CERS6: variants seen among roughly 807,000 people sequenced by gnomAD.
The protein encoded by CERS6 is LAG1 homolog, ceramide synthase 6.
In CERS6, 26 loss-of-function variants were observed where a neutral mutation model predicts 56.8. That is an observed-to-expected ratio of 0.46 (90% CI 0.34 to 0.63). The LOEUF (loss-of-function observed/expected upper bound fraction) is 0.63, where lower values mean the gene tolerates loss of function less well. Ranked by LOEUF, CERS6 falls within the 30% of genes least tolerant of loss-of-function variation. The probability of loss-of-function intolerance (pLI) is 0.01; values close to 1 mark genes in which losing one functional copy is unlikely to be tolerated. For synonymous variants in CERS6, 164 were observed against 173.3 expected, an observed-to-expected ratio of 0.95 and a Z score of 0.42; for missense variants, 415 against 467.5, an observed-to-expected ratio of 0.89 and a Z score of 1.04.
chr2:168,542,806 C>G (rs543863638), intron 1 of CERS6, among the ~76,000 whole-genome samples: 13 of 152,236 alleles, frequency 8.5e-5, no homozygotes, highest in African/African-American at 2.9e-4. Context: ...AAGCGATTCT[C>G]CTGCCTCAGC....
chr2:168,535,887 T>A (rs537697790), intron 1 of CERS6, among the ~76,000 whole-genome samples: 1 of 152,036 alleles, frequency 6.6e-6, no homozygotes, highest in East Asian at 1.9e-4. Flanking sequence ...CTTGGTACAT[T>A]TTCCTGATGT....
intron 4 of CERS6, among the ~76,000 whole-genome samples, chr2:168,659,828 A>G (rs113432860): frequency 0.017 from 2,633 of 152,276 alleles, 60 homozygotes; most frequent in African/African-American, 0.049. Flanking sequence ...AAATTAAGGC[A>G]ATCACCCAGA....
At chr2:168,536,060 A>C (rs1019838414) in intron 1 of CERS6, among the ~76,000 whole-genome samples, 1 of 152,176 alleles carries the variant, frequency 6.6e-6, no homozygotes, top group Admixed American at 6.5e-5. Flanking sequence ...TCAAAACTTT[A>C]TGGTTAATTT....
At chr2:168,671,677 G>A (rs1229478958) in intron 4 of CERS6, among the ~76,000 whole-genome samples, 3 of 152,098 alleles carry the variant, frequency 2.0e-5, no homozygotes, top group Non-Finnish European at 2.9e-5. Context: ...TATACTGTTA[G>A]GTAAAAGATA....
At chr2:168,463,858 G>C (rs1693820571) in intron 1 of CERS6, among the ~76,000 whole-genome samples, 1 of 152,156 alleles carries the variant, frequency 6.6e-6, no homozygotes, top group African/African-American at 2.4e-5. Flanking sequence ...GTAGTGAGCT[G>C]AGATCACGCC....
In CERS6 at chr2:168,748,831, T is replaced by TGG. The variant is rs72341847; in HGVS notation, c.846-16752_846-16751dup. On this transcript the variant is annotated intron_variant, in intron 8 of 9. Transcript: ENST00000305747. ...ATCCCAGAAATGGCGTGGTTGGGGG[T>TGG]GGGGGGGGGGCAGGTATTAAATGCC... Among the ~76,000 whole-genome samples, 279 of 89,538 alleles carry TGG rather than the reference T, an allele frequency of 3.1e-3. 3 individuals carry two copies. Among genetic ancestry groups the TGG allele is most frequent in the East Asian group, 0.01 (34 of 3,370 alleles). The allele number at this position is 89,538 out of a possible 152,430, so 58.7% of individuals were successfully genotyped here. A position where few individuals can be genotyped will look rare whatever the true frequency, so the allele number is the denominator to read the frequency against.
intron 4 of CERS6, among the ~76,000 whole-genome samples, chr2:168,637,859 T>C (rs1418278264): frequency 6.6e-6 from 1 of 152,114 alleles, no homozygotes; most frequent in Non-Finnish European, 1.5e-5. Flanking sequence ...ATTTGGAGGT[T>C]TTTTTCAATA....
intron 3 of CERS6, among the ~76,000 whole-genome samples, chr2:168,575,561 A>T (rs923409253): frequency 2.6e-5 from 4 of 152,150 alleles, no homozygotes; most frequent in South Asian, 4.2e-4. Context: ...TTCTGAGATG[A>T]GATTTGGGTG....
chr2:168,704,878 G>A lies in CERS6; in HGVS notation c.609+9827G>A, dbSNP rs572002311. 2.5e-3 allele frequency among the ~76,000 whole-genome samples: 387 copies of A among 152,280 alleles called. 1 individual carries two copies. The highest frequency in any genetic ancestry group is 8.6e-3 in the African/African-American group (359 of 41,562). On this transcript the variant is annotated intron_variant, in intron 6 of 9. Transcript: ENST00000305747. ...CTCCCAAAATGCTGAGATTACAGGC[G>A]TGAGCCTCCGCACCCGGCCGCACCT...
Position 168,691,085 on chromosome 2 carries a change from G to T in CERS6, c.516+1G>T. 1 of 1,612,808 alleles carries T rather than the reference G, an allele frequency of 6.2e-7. No individual in the cohort carries two copies. The highest frequency in any genetic ancestry group is 2.2e-5 in the East Asian group (1 of 44,858). Reference sequence around the variant, plus strand: ...TTGCTGGTACAACTACCCCTATCAGGTAAGGAGGCATTATTGTCTGGGTTT... The same window carrying T: ...TTGCTGGTACAACTACCCCTATCAGTTAAGGAGGCATTATTGTCTGGGTTT... On this transcript the variant is annotated splice_donor_variant, in intron 5 of 9. Coordinates refer to ENST00000305747, the MANE Select transcript of CERS6 (RefSeq NM_203463.3). LOFTEE classifies it high-confidence loss of function.
intron 3 of CERS6, among the ~76,000 whole-genome samples, chr2:168,594,833 T>C (rs1316057072): frequency 6.6e-6 from 1 of 152,212 alleles, no homozygotes; most frequent in Non-Finnish European, 1.5e-5. Flanking sequence ...AGCCACTCTT[T>C]AGAATTATTC....
intron 1 of CERS6, among the ~76,000 whole-genome samples, chr2:168,536,565 C>T (rs1259401063): frequency 6.6e-6 from 1 of 151,966 alleles, no homozygotes; most frequent in Non-Finnish European, 1.5e-5. Flanking sequence ...ATATACACAA[C>T]AAAATTTATA....
intron 4 of CERS6, among the ~76,000 whole-genome samples, chr2:168,632,813 G>T (rs79577147): frequency 2.6e-5 from 4 of 152,080 alleles, no homozygotes; most frequent in Non-Finnish European, 5.9e-5. Context: ...TTTGGAATTC[G>T]TGCCTGGTTC....
intron 1 of CERS6, among the ~76,000 whole-genome samples, chr2:168,506,226 G>T (rs1227264756): frequency 6.6e-6 from 1 of 152,136 alleles, no homozygotes; most frequent in East Asian, 1.9e-4. Context: ...AATCCTTGAT[G>T]CCTGAATTCT....
intron 1 of CERS6, among the ~76,000 whole-genome samples, chr2:168,482,017 A>G (rs1309358499): frequency 6.6e-6 from 1 of 152,234 alleles, no homozygotes; most frequent in Non-Finnish European, 1.5e-5. Context: ...TGGAACCCTT[A>G]TAAATCCAGT....
intron 1 of CERS6, among the ~76,000 whole-genome samples, chr2:168,458,567 A>G (rs561819751): frequency 1.3e-5 from 2 of 152,284 alleles, no homozygotes; most frequent in East Asian, 3.9e-4. Flanking sequence ...TAGAGGGGTG[A>G]GCTGCTTTCA....
chr2:168,736,960 T>A (rs566211892), intron 8 of CERS6, among the ~76,000 whole-genome samples: 2 of 152,332 alleles, frequency 1.3e-5, no homozygotes, highest in East Asian at 3.9e-4. Flanking sequence ...AATGTGTGGA[T>A]CTGACTCTAT....
chr2:168,554,457 G>T (rs548601928), intron 2 of CERS6, among the ~76,000 whole-genome samples: 2 of 152,036 alleles, frequency 1.3e-5, no homozygotes, highest in Admixed American at 6.6e-5. Context: ...CCAATATGCC[G>T]GGTGTCCATA....
chr2:168,653,867 T>C (rs1441633289), intron 4 of CERS6, among the ~76,000 whole-genome samples: 1 of 152,212 alleles, frequency 6.6e-6, no homozygotes, highest in Non-Finnish European at 1.5e-5. Context: ...AATCATCTGC[T>C]TGAAAGTGCT....
Sources: allele counts gnomAD v4.1 joint callset (sites outside exome capture counted in the v4.1 genomes callset), GRCh38; gene constraint gnomAD v4.1.1; transcripts MANE v1.5; gene names NCBI Gene and HGNC (gene_info 2026-07-23, HGNC 2026-07-21).